The following EFCAB6 variants were observed in gnomAD, a reference collection of about 807,000 sequenced individuals.
EFCAB6 encodes EF-hand calcium-binding domain-containing protein 6.
Under a neutral mutation model 169.8 loss-of-function variants are expected in EFCAB6, and 156 were observed. That is an observed-to-expected ratio of 0.92 (90% CI 0.81 to 1.05). EFCAB6 has a LOEUF of 1.05. Among genes scored for constraint, EFCAB6 ranks in the 50% least tolerant of loss-of-function variants. The pLI is 0.00. For missense variants in EFCAB6, 1,800 were observed against 1,829.1 expected (o/e 0.98, Z 0.29); for synonymous variants, 698 against 676.4 (o/e 1.03, Z -0.50).
rs376851327 is a variant in EFCAB6 at position 43,555,059 on chromosome 22, G to A, written c.3458C>T (p.Pro1153Leu). ...DEWAEKMPKGPPPTSPKATAD... is the reference protein window; with the variant it reads ...DEWAEKMPKGLPPTSPKATAD... ...TGTGGCCTTGGGAGAGGTAGGCGGCGGGCCTTTGGGCATTTTCTCAGCCCA... is the reference window on the plus strand; with the variant it reads ...TGTGGCCTTGGGAGAGGTAGGCGGCAGGCCTTTGGGCATTTTCTCAGCCCA... The change falls in exon 27 of 32, where the codon CCG becomes CTG. Residue 1153 changes from proline (P) to leucine (L), a missense_variant. Pro to Leu is a moderately conservative substitution (Grantham distance 98). Coordinates refer to ENST00000262726, the MANE Select transcript of EFCAB6 (RefSeq NM_022785.4). 2.6e-5 allele frequency: 42 copies of A among 1,614,146 alleles called. No homozygotes were observed. The African/African-American group carries it at 2.8e-4, about 11-fold the overall frequency.
intron 2 of EFCAB6, among the ~76,000 whole-genome samples, chr22:43,805,576 A>T (rs1321611973): frequency 6.6e-6 from 1 of 152,204 alleles, no homozygotes; most frequent in Non-Finnish European, 1.5e-5. Flanking sequence ...GGATGAAGAG[A>T]GGTTGATTAA....
chr22:43,786,902 C>T (rs143827467), intron 2 of EFCAB6, among the ~76,000 whole-genome samples: 1,915 of 151,708 alleles, frequency 0.013, 48 homozygotes, highest in African/African-American at 0.044. Context: ...GAGAGGTTGA[C>T]CAAACAAAAA....
chr22:43,626,736 A>G (rs2054553230), intron 19 of EFCAB6, 57 bp from the exon 20 acceptor site: 1 of 1,525,766 alleles, frequency 6.6e-7, no homozygotes. Context: ...ACGGCCACAC[A>G]TGCACACCCC....
chr22:43,719,148 G>A (rs139965778), intron 8 of EFCAB6, among the ~76,000 whole-genome samples: 125 of 152,288 alleles, frequency 8.2e-4, no homozygotes, highest in Middle Eastern at 3.4e-3. Context: ...CTGTGCACAC[G>A]CCCTGTGGCT....
intron 27 of EFCAB6, among the ~76,000 whole-genome samples, chr22:43,541,567 G>T (rs1281470997): frequency 6.7e-6 from 1 of 150,340 alleles, no homozygotes; most frequent in Non-Finnish European, 1.5e-5. Context: ...GTGTAGATTC[G>T]TGTTGATTGC....
chr22:43,562,567 G>GAGGGAGGCAGCCTGGTGGTGGGTGGC (rs1332290209), intron 26 of EFCAB6, among the ~76,000 whole-genome samples: 3 of 141,510 alleles, frequency 2.1e-5, no homozygotes, highest in African/African-American at 7.9e-5. Context: ...TCAGAGGTGG[G>GAGGGAGGCAGCCTGGTGGTGGGTGGC]AGGGAGGCAG....
At chr22:43,762,606 C>T (rs978557401) in intron 5 of EFCAB6, among the ~76,000 whole-genome samples, 8 of 152,162 alleles carry the variant, frequency 5.3e-5, no homozygotes, top group South Asian at 2.1e-4. Flanking sequence ...AGTCTCTGTT[C>T]GCTATAATGT....
chr22:43,668,747 G>A, intron 16 of EFCAB6, 125 bp downstream of exon 16: 1 of 864,594 alleles, frequency 1.2e-6, no homozygotes. Flanking sequence ...TGTCTTTCTA[G>A]TGTGCCATCT....
chr22:43,656,321 C>T (rs1412212478), intron 17 of EFCAB6, among the ~76,000 whole-genome samples: 7 of 151,590 alleles, frequency 4.6e-5, no homozygotes, highest in East Asian at 1.9e-4. Flanking sequence ...ACCCAGGAGG[C>T]GGAGATTTGC....
At chr22:43,725,421 G>A (rs527267085) in intron 8 of EFCAB6, among the ~76,000 whole-genome samples, 2 of 152,292 alleles carry the variant, frequency 1.3e-5, no homozygotes, top group Admixed American at 6.5e-5. Flanking sequence ...GATTACAGGC[G>A]TGACCCACTG....
At chr22:43,589,746 C>T (rs1010646077) in intron 24 of EFCAB6, among the ~76,000 whole-genome samples, 16 of 152,178 alleles carry the variant, frequency 1.1e-4, no homozygotes, top group African/African-American at 3.6e-4. Context: ...TGAGATCGCA[C>T]CACTGCACTC....
At chr22:43,605,686 C>T (rs2052868064) in intron 22 of EFCAB6, among the ~76,000 whole-genome samples, 1 of 151,966 alleles carries the variant, frequency 6.6e-6, no homozygotes, top group African/African-American at 2.4e-5. Context: ...AGTTCTGGAG[C>T]TGGACGGTGG....
At chr22:43,575,038 G>A (rs2050147673) in intron 26 of EFCAB6, among the ~76,000 whole-genome samples, 1 of 152,224 alleles carries the variant, frequency 6.6e-6, no homozygotes, top group Admixed American at 6.5e-5. Flanking sequence ...CACACAAGGA[G>A]ACAAGCACAG....
chr22:43,601,604 C>T (rs2052527456), intron 22 of EFCAB6, among the ~76,000 whole-genome samples: 1 of 152,208 alleles, frequency 6.6e-6, no homozygotes, highest in African/African-American at 2.4e-5. Flanking sequence ...ATCTACGGAA[C>T]CCACAGTTGC....
chr22:43,687,447 G>GTTTTTTTT, intron 11 of EFCAB6, 24 bp downstream of exon 11: 4 of 833,478 alleles, frequency 4.8e-6, no homozygotes, highest in East Asian at 3.4e-5. Context: ...ACTAAAATTT[G>GTTTTTTTT]TTTTTTTTTT....
At chr22:43,623,092 G>A (rs1328765133) in intron 20 of EFCAB6, among the ~76,000 whole-genome samples, 1 of 152,222 alleles carries the variant, frequency 6.6e-6, no homozygotes, top group African/African-American at 2.4e-5. Context: ...AAAGATGATG[G>A]TGACACTGAT....
intron 20 of EFCAB6, 34 bp from the exon 21 acceptor site, chr22:43,615,956 T>G (rs1484183984): frequency 1.2e-5 from 18 of 1,557,118 alleles, no homozygotes; most frequent in Non-Finnish European, 1.6e-5. Flanking sequence ...TAACTGTGTT[T>G]AAATTTAATG....
intron 22 of EFCAB6, among the ~76,000 whole-genome samples, 188 bp from the exon 23 acceptor site, chr22:43,600,451 C>G (rs1418490802): frequency 6.6e-6 from 1 of 152,130 alleles, no homozygotes; most frequent in Non-Finnish European, 1.5e-5. Flanking sequence ...GAGTTCAGGC[C>G]TCACTCCTGA....
At chr22:43,658,079 A>G (rs1474407828) in intron 17 of EFCAB6, among the ~76,000 whole-genome samples, 2 of 151,716 alleles carry the variant, frequency 1.3e-5, no homozygotes, top group Admixed American at 6.6e-5. Context: ...AAATACAAAA[A>G]TTATCCGGGT....
Sources: gnomAD v4.1 joint callset for allele counts (sites outside exome capture counted in the v4.1 genomes callset) on GRCh38, gnomAD v4.1.1 for gene constraint, MANE v1.5 for transcripts, NCBI Gene and HGNC (gene_info 2026-07-23, HGNC 2026-07-21) for gene names.